Variants in SNTA1 observed in about 807,000 individuals in gnomAD.
SNTA1 encodes alpha-1-syntrophin.
A neutral mutation model predicts 47.1 loss-of-function variants in SNTA1; 31 were observed. The ratio of observed to expected loss-of-function variants is 0.66; its 90% CI spans 0.49 to 0.89. SNTA1 has a LOEUF of 0.89. SNTA1 is among the 40% of genes least tolerant of loss of function. SNTA1 has a pLI of 0.00. For missense variants in SNTA1, 575 were observed against 693.0 expected, an observed-to-expected ratio of 0.83 and a Z score of 1.91; for synonymous variants, 300 against 313.6, an observed-to-expected ratio of 0.96 and a Z score of 0.46.
At chr20:33,436,692 G>A (rs955418999) in intron 2 of SNTA1, among the ~76,000 whole-genome samples, 1 of 152,014 alleles carries the variant, frequency 6.6e-6, no homozygotes, top group Non-Finnish European at 1.5e-5. Flanking sequence ...GCTAGGTGTG[G>A]TGGCTCACGC....
At position 33,439,080 on chromosome 20, in the gene SNTA1, A is replaced by T. The variant is rs568262157; in HGVS notation, c.311-54T>A. ...TTAGGCAGATACTCCAACACTTGGGAGTCACATCAAGACACAATTATTTCT... is the reference window on the plus strand; with the variant it reads ...TTAGGCAGATACTCCAACACTTGGGTGTCACATCAAGACACAATTATTTCT... On this transcript the variant is annotated intron_variant, in intron 1 of 7. Transcript: ENST00000217381. 3.4e-6 allele frequency: 5 copies of T among 1,478,816 alleles called. No individual in the cohort carries two copies. In the South Asian group the frequency reaches 5.7e-5, roughly 17 times the overall value. The allele number at this position is 1,478,816 out of a possible 1,614,324, so 91.6% of individuals were successfully genotyped here.
chr20:33,412,159 A>G, intron 5 of SNTA1, 137 bp downstream of exon 5: 1 of 933,552 alleles, frequency 1.1e-6, no homozygotes, highest in Non-Finnish European at 1.6e-6. Context: ...TGAGGCCCAG[A>G]CAGGGCAGAG....
rs748606102 is a variant in SNTA1 at position 33,408,823 on chromosome 20, C to T, written c.1303G>A (p.Ala435Thr). 6.2e-7 allele frequency: 1 copy of T among 1,614,178 alleles called. No individual in the cohort carries two copies. Among genetic ancestry groups the T allele is most frequent in the African/African-American group, 1.3e-5 (1 of 75,048 alleles). Reference sequence around the variant, plus strand: ...GCTCGGGCTGCACCTGGCTCAGCCGCCCACAGTGTGAAGCCCTTGTCGATG... The same window carrying T: ...GCTCGGGCTGCACCTGGCTCAGCCGTCCACAGTGTGAAGCCCTTGTCGATG... ...VHIDKGFTLW[A>T]AEPGAARAVL... The change falls in exon 7 of 8, where the codon GCG becomes ACG. Residue 435 changes from alanine (A) to threonine (T), a missense_variant. Physicochemically the swap from Ala to Thr is moderately conservative, Grantham distance 58 (BLOSUM62 0). Transcript: ENST00000217381.
At position 33,408,730 on chromosome 20, in the gene SNTA1, G is replaced by A. The variant is rs769035395; in HGVS notation, c.1396C>T (p.Leu466=). ...SSDDGASLLF[L]DFGGAEGEIQ... The stretch of plus-strand genomic sequence containing the variant: ...TCGCCTTCAGCACCTCCAAAATCCA[G>A]GAAAAGGAGACTGGCACCGTCATCT... The change falls in exon 7 of 8, where the codon CTG becomes TTG. Residue 466 remains leucine (L), a synonymous_variant. Transcript: ENST00000217381. The A allele has an allele frequency of 6.2e-7, 1 of 1,614,132 alleles. No individual in the cohort carries two copies. The highest frequency in any genetic ancestry group is 8.5e-7 in the Non-Finnish European group (1 of 1,180,024).
At chr20:33,431,371 A>G (rs1990303177) in intron 2 of SNTA1, among the ~76,000 whole-genome samples, 1 of 152,088 alleles carries the variant, frequency 6.6e-6, no homozygotes, top group African/African-American at 2.4e-5. Context: ...AAGTAATGTC[A>G]CCTCTCTGAG....
chr20:33,412,488 G>T, intron 4 of SNTA1, 62 bp from the exon 5 acceptor site: 1 of 1,604,346 alleles, frequency 6.2e-7, no homozygotes, highest in Non-Finnish European at 8.5e-7. Context: ...GGCCAGGGCA[G>T]GGTGAGGTGG....
Position 33,443,500 on chromosome 20 carries a change from TC to T in SNTA1, c.120del (p.Thr41ProfsTer2). ...GGGTCGCCGTCGGCGGGGCTCACGG[TC>T]AGCACGTCCTCCGCCAGACTCAGCA... ...RVLLSLAEDV[L>X]TVSPADGDPG... is the part of the protein sequence containing the mutation. On this transcript the variant is annotated frameshift_variant, in exon 1 of 8. Coordinates refer to ENST00000217381, the MANE Select transcript of SNTA1 (RefSeq NM_003098.3). LOFTEE classifies it high-confidence loss of function. 7.2e-7 allele frequency: 1 copy of T among 1,379,762 alleles called. No homozygotes were observed. Among genetic ancestry groups the T allele is most frequent in the South Asian group, 1.5e-5 (1 of 64,552 alleles). The allele number at this position is 1,379,762 out of a possible 1,614,324, so 85.5% of individuals were successfully genotyped here.
At chr20:33,425,071 A>G (rs1211512266) in intron 2 of SNTA1, among the ~76,000 whole-genome samples, 1 of 151,154 alleles carries the variant, frequency 6.6e-6, no homozygotes, top group Non-Finnish European at 1.5e-5. Context: ...AGCCGAGATC[A>G]CGCCACTGCA....
At chr20:33,414,972 A>T (rs1311357336) in intron 3 of SNTA1, among the ~76,000 whole-genome samples, 1 of 152,170 alleles carries the variant, frequency 6.6e-6, no homozygotes, top group Non-Finnish European at 1.5e-5. Context: ...ACACTGAGTA[A>T]AAGTTTGAAG....
chr20:33,416,938 CAAAAAAAAA>C (rs1161474406), intron 3 of SNTA1, among the ~76,000 whole-genome samples: 1 of 56,040 alleles, frequency 1.8e-5, no homozygotes, highest in Non-Finnish European at 3.7e-5. Flanking sequence ...GAGACTCTGT[CAAAAAAAAA>C]AAAAAAAAAA....
intron 3 of SNTA1, 115 bp downstream of exon 3, chr20:33,417,604 C>CTA (rs1209509941): frequency 2.6e-6 from 2 of 770,792 alleles, no homozygotes; most frequent in Non-Finnish European, 4.6e-6. Flanking sequence ...TAAGCACCTA[C>CTA]TATGTCCTGG....
Position 33,438,848 on chromosome 20 carries a change from C to T in SNTA1, c.489G>A (p.Val163=). ...TGGAACGTCAGTGCTTACCCTCCAG[C>T]ACCACCTCCTTGCCTGTCTTCTTGA... ...QVLKKTGKEV[V]LEVKYMKDVS... The change falls in exon 2 of 8, where the codon GTG becomes GTA. Residue 163 remains valine (V), a synonymous_variant. Transcript: ENST00000217381. 6.2e-7 allele frequency: 1 copy of T among 1,613,676 alleles called. No individual in the cohort carries two copies. Among genetic ancestry groups the T allele is most frequent in the Non-Finnish European group, 8.5e-7 (1 of 1,179,858 alleles).
At chr20:33,418,978 G>C (rs1989954026) in intron 2 of SNTA1, among the ~76,000 whole-genome samples, 1 of 151,828 alleles carries the variant, frequency 6.6e-6, no homozygotes, top group Non-Finnish European at 1.5e-5. Context: ...GCTGGGCAGG[G>C]TGGTGCATGC....
At chr20:33,424,336 GA>G (rs920797167) in intron 2 of SNTA1, among the ~76,000 whole-genome samples, 8 of 148,362 alleles carry the variant, frequency 5.4e-5, no homozygotes, top group African/African-American at 9.9e-5. Context: ...AAGAAAGAAA[GA>G]AAAAAAAAGA....
At chr20:33,421,693 C>T (rs1272843606) in intron 2 of SNTA1, among the ~76,000 whole-genome samples, 1 of 151,776 alleles carries the variant, frequency 6.6e-6, no homozygotes, top group Non-Finnish European at 1.5e-5. Flanking sequence ...TGGTGGCTCA[C>T]GCCTGTAATC....
chr20:33,434,246 C>G (rs1448346741), intron 2 of SNTA1, among the ~76,000 whole-genome samples: 1 of 152,144 alleles, frequency 6.6e-6, no homozygotes, highest in African/African-American at 2.4e-5. Context: ...CAAGGACCAG[C>G]CACAGCCCAG....
chr20:33,425,340 T>G (rs914926331), intron 2 of SNTA1, among the ~76,000 whole-genome samples: 1 of 151,992 alleles, frequency 6.6e-6, no homozygotes, highest in African/African-American at 2.4e-5. Flanking sequence ...GCCCTGGGGC[T>G]TCTCAGTGTG....
chr20:33,435,152 C>G (rs1194905993), intron 2 of SNTA1, among the ~76,000 whole-genome samples: 5 of 150,914 alleles, frequency 3.3e-5, no homozygotes, highest in Admixed American at 2.6e-4. Flanking sequence ...CACCATGGCT[C>G]AGCTAATTTT....
intron 2 of SNTA1, among the ~76,000 whole-genome samples, chr20:33,431,807 C>T (rs1204871866): frequency 6.6e-6 from 1 of 152,138 alleles, no homozygotes; most frequent in Non-Finnish European, 1.5e-5. Context: ...TGGTGTTGAG[C>T]ACAGTGTGGA....
Sources: allele counts gnomAD v4.1 joint callset (sites outside exome capture counted in the v4.1 genomes callset), GRCh38; gene constraint gnomAD v4.1.1; transcripts MANE v1.5; gene names NCBI Gene and HGNC (gene_info 2026-07-23, HGNC 2026-07-21).